The following FGGY variants were observed in gnomAD, a reference collection of about 807,000 sequenced individuals.
The protein encoded by FGGY is FGGY carbohydrate kinase domain-containing protein.
Under a neutral mutation model 71.3 loss-of-function variants are expected in FGGY, and 72 were observed. That is an observed-to-expected ratio of 1.01 (90% CI 0.84 to 1.23). FGGY has a LOEUF of 1.23. Ranked by LOEUF, FGGY falls within the 50% of genes most tolerant of loss-of-function variation. FGGY has a pLI of 0.00. For synonymous variants in FGGY, 251 were observed against 250.3 expected (o/e 1.00, Z -0.02); for missense variants, 668 against 682.3 (o/e 0.98, Z 0.23).
chr1:59,631,521 G>A (rs1336337303), intron 10 of FGGY, among the ~76,000 whole-genome samples: 2 of 152,120 alleles, frequency 1.3e-5, no homozygotes, highest in Admixed American at 1.3e-4. Flanking sequence ...AAAGAAACAG[G>A]CATAGCTGTT....
chr1:59,436,382 A>G (rs561252670), intron 5 of FGGY, among the ~76,000 whole-genome samples: 36 of 152,134 alleles, frequency 2.4e-4, no homozygotes, highest in African/African-American at 8.4e-4. Context: ...GGACTAGACT[A>G]GAACCCCCTC....
chr1:59,657,103 C>T (rs904032802), intron 11 of FGGY, among the ~76,000 whole-genome samples: 1 of 152,186 alleles, frequency 6.6e-6, no homozygotes, highest in Admixed American at 6.5e-5. Context: ...CCTTTCTTCT[C>T]TCTTATGGAT....
At position 59,762,571 on chromosome 1, in the gene FGGY, T is replaced by C; in HGVS notation, c.1643T>C (p.Met548Thr). Reference protein sequence around the residue: ...VEHQKEYLAIMNDD With the variant: ...VEHQKEYLAITNDD ...CACCAGAAGGAGTATTTGGCGATCA[T>C]GAATGATGACTGAACAGGGCTTGCA... Residue 548 changes from methionine to threonine, a missense_variant, in exon 16 of 16, where the codon ATG becomes ACG. Met to Thr is a moderately conservative substitution (Grantham distance 81). Coordinates refer to ENST00000303721, the MANE Select transcript of FGGY (RefSeq NM_018291.5). 6.2e-7 allele frequency: 1 copy of C among 1,613,802 alleles called. No individual in the cohort carries two copies. The highest frequency in any genetic ancestry group is 8.5e-7 in the Non-Finnish European group (1 of 1,179,780).
intron 11 of FGGY, among the ~76,000 whole-genome samples, chr1:59,642,656 GT>G (rs2097047302): frequency 6.7e-6 from 1 of 149,080 alleles, no homozygotes; most frequent in Non-Finnish European, 1.5e-5. Flanking sequence ...AGCAAATCAT[GT>G]GTACTGTATG....
At chr1:59,753,189 G>T (rs949427872) in intron 14 of FGGY, among the ~76,000 whole-genome samples, 1 of 151,808 alleles carries the variant, frequency 6.6e-6, no homozygotes, top group Non-Finnish European at 1.5e-5. Flanking sequence ...ATATTGTGGG[G>T]GTGACTATAT....
At chr1:59,382,999 A>C (rs2059652815) in intron 5 of FGGY, among the ~76,000 whole-genome samples, 1 of 152,166 alleles carries the variant, frequency 6.6e-6, no homozygotes, top group Non-Finnish European at 1.5e-5. Flanking sequence ...CGGTGGACTA[A>C]CAATATGACT....
chr1:59,348,992 G>A (rs541866728), intron 4 of FGGY, among the ~76,000 whole-genome samples: 9 of 152,230 alleles, frequency 5.9e-5, no homozygotes, highest in Non-Finnish European at 1.2e-4. Flanking sequence ...AACCTGACTC[G>A]GGTATATACT....
At chr1:59,749,045 G>T (rs1432742383) in intron 14 of FGGY, among the ~76,000 whole-genome samples, 1 of 152,136 alleles carries the variant, frequency 6.6e-6, no homozygotes, top group Non-Finnish European at 1.5e-5. Flanking sequence ...AAATGATGGG[G>T]TTTAGACAGC....
intron 4 of FGGY, among the ~76,000 whole-genome samples, chr1:59,351,114 C>T (rs1006047988): frequency 1.7e-4 from 26 of 152,100 alleles, no homozygotes; most frequent in African/African-American, 4.8e-4. Flanking sequence ...TTTTAGTGGC[C>T]GTAAGTAAAG....
At chr1:59,747,336 A>G (rs1424060881) in intron 14 of FGGY, among the ~76,000 whole-genome samples, 4 of 152,236 alleles carry the variant, frequency 2.6e-5, no homozygotes, top group African/African-American at 9.6e-5. Flanking sequence ...CCCATCTCAG[A>G]GTATCACAAC....
chr1:59,306,096 C>G (rs1212171975), intron 1 of FGGY, among the ~76,000 whole-genome samples: 1 of 152,196 alleles, frequency 6.6e-6, no homozygotes, highest in East Asian at 1.9e-4. Flanking sequence ...ACTCTGTTGC[C>G]TGATGTCCAA....
At chr1:59,653,485 C>T (rs1463384595) in intron 11 of FGGY, among the ~76,000 whole-genome samples, 2 of 152,254 alleles carry the variant, frequency 1.3e-5, no homozygotes, top group East Asian at 1.9e-4. Flanking sequence ...GTCTGAAAAG[C>T]GCAATATTCG....
intron 14 of FGGY, among the ~76,000 whole-genome samples, chr1:59,728,977 T>C (rs1285866221): frequency 1.3e-5 from 2 of 152,122 alleles, no homozygotes; most frequent in Admixed American, 6.5e-5. Context: ...TTTCTTCTGC[T>C]CCATTCTCAC....
intron 4 of FGGY, among the ~76,000 whole-genome samples, chr1:59,364,262 G>A (rs530931841): frequency 3.2e-4 from 48 of 152,314 alleles, no homozygotes; most frequent in African/African-American, 1.1e-3. Flanking sequence ...AAGCCAGGAA[G>A]TGAATGAATC....
At chr1:59,591,236 T>G (rs1439454080) in intron 8 of FGGY, among the ~76,000 whole-genome samples, 1 of 152,146 alleles carries the variant, frequency 6.6e-6, no homozygotes, top group Non-Finnish European at 1.5e-5. Context: ...TTACAAGGGA[T>G]GTGAAGGACC....
At chr1:59,543,843 A>G (rs2095482261) in intron 7 of FGGY, among the ~76,000 whole-genome samples, 1 of 152,148 alleles carries the variant, frequency 6.6e-6, no homozygotes, top group Non-Finnish European at 1.5e-5. Context: ...TACTTTCCCT[A>G]CCTTCAAGGA....
At chr1:59,529,211 T>C (rs1468397440) in intron 7 of FGGY, among the ~76,000 whole-genome samples, 1 of 152,362 alleles carries the variant, frequency 6.6e-6, no homozygotes, top group East Asian at 1.9e-4. Flanking sequence ...GATTGAGTTC[T>C]ACAGGAATTT....
At chr1:59,736,295 G>A (rs2098102838) in intron 14 of FGGY, among the ~76,000 whole-genome samples, 1 of 152,140 alleles carries the variant, frequency 6.6e-6, no homozygotes, top group African/African-American at 2.4e-5. Context: ...TAGTAAATTG[G>A]CACCGGGAGT....
At chr1:59,654,872 A>G (rs1241897813) in intron 11 of FGGY, among the ~76,000 whole-genome samples, 3 of 152,204 alleles carry the variant, frequency 2.0e-5, no homozygotes, top group East Asian at 3.9e-4. Flanking sequence ...GGTGAAGTCC[A>G]GGGTGGACAG....
Sources: allele counts gnomAD v4.1 joint callset (sites outside exome capture counted in the v4.1 genomes callset), GRCh38; gene constraint gnomAD v4.1.1; transcripts MANE v1.5; gene names NCBI Gene and HGNC (gene_info 2026-07-23, HGNC 2026-07-21).